Variants in ALMS1 observed in about 807,000 individuals in gnomAD.
The protein encoded by ALMS1 is centrosome-associated protein ALMS1.
ALMS1 carries 271 observed loss-of-function variants against 352.2 expected under a neutral mutation model. That is an observed-to-expected ratio of 0.77 (90% CI 0.70 to 0.85). The LOEUF (loss-of-function observed/expected upper bound fraction) is 0.85. Among genes scored for constraint, ALMS1 ranks in the 40% least tolerant of loss-of-function variants. ALMS1 has a pLI of 0.00. For synonymous variants in ALMS1, 1,865 were observed against 1,761.2 expected (o/e 1.06, Z -1.48); for missense variants, 5,445 against 4,870.7 (o/e 1.12, Z -3.51).
In ALMS1 at chr2:73,452,833, TATTTTCAGTCC is replaced by T. The variant is rs1348039836; in HGVS notation, c.6308_6318del (p.Ile2103ThrfsTer6). ...CTTATTTTCACAGAGAGAAATCGAA[TATTTTCAGTCC>T]ACAGGAATTGCCAGGTAGTCATGTA... On this transcript the variant is annotated frameshift_variant, in exon 8 of 23. Coordinates refer to ENST00000613296, the MANE Select transcript of ALMS1 (RefSeq NM_001378454.1). LOFTEE classifies it high-confidence loss of function. 1 of 1,613,866 alleles carries T rather than the reference TATTTTCAGTCC, an allele frequency of 6.2e-7. No individual in the cohort carries two copies. Among genetic ancestry groups the T allele is most frequent in the Non-Finnish European group, 8.5e-7 (1 of 1,179,990 alleles).
chr2:73,432,919 G>C (rs1671531192), intron 7 of ALMS1, among the ~76,000 whole-genome samples: 1 of 152,154 alleles, frequency 6.6e-6, no homozygotes, highest in Non-Finnish European at 1.5e-5. Flanking sequence ...GTGACTTGAA[G>C]GGAAAAAGGA....
intron 6 of ALMS1, among the ~76,000 whole-genome samples, chr2:73,428,929 TA>T (rs1281184784): frequency 6.6e-6 from 1 of 152,194 alleles, no homozygotes; most frequent in Admixed American, 6.5e-5. Flanking sequence ...CTACTCCTCA[TA>T]AATGATTATT....
chr2:73,545,890 T>G (rs1040094926), intron 12 of ALMS1, among the ~76,000 whole-genome samples: 23 of 152,314 alleles, frequency 1.5e-4, no homozygotes, highest in Admixed American at 9.1e-4. Context: ...TTCTCAAAAT[T>G]AATTGTAGTC....
At chr2:73,405,159 C>T (rs757046757) in intron 1 of ALMS1, among the ~76,000 whole-genome samples, 13 of 152,154 alleles carry the variant, frequency 8.5e-5, no homozygotes, top group Admixed American at 1.3e-4. Context: ...AGCATTTCTC[C>T]TGCCTTGGCC....
chr2:73,522,683 G>A (rs1340986151), intron 11 of ALMS1, among the ~76,000 whole-genome samples: 2 of 152,114 alleles, frequency 1.3e-5, no homozygotes, highest in South Asian at 2.1e-4. Context: ...TGGCCAGGAT[G>A]ATCTCGATCT....
At chr2:73,521,768 A>G (rs936817398) in intron 11 of ALMS1, among the ~76,000 whole-genome samples, 5 of 152,020 alleles carry the variant, frequency 3.3e-5, no homozygotes, top group African/African-American at 1.2e-4. Context: ...AAAAAAAAGC[A>G]TATTTTAAAC....
At chr2:73,525,613 T>A (rs2103973720) in intron 11 of ALMS1, among the ~76,000 whole-genome samples, 1 of 152,318 alleles carries the variant, frequency 6.6e-6, no homozygotes, top group South Asian at 2.1e-4. Context: ...TGCCCGTTTT[T>A]AAATTGGATT....
chr2:73,461,936 C>T (rs568509191), intron 9 of ALMS1, among the ~76,000 whole-genome samples: 1 of 152,108 alleles, frequency 6.6e-6, no homozygotes, highest in African/African-American at 2.4e-5. Flanking sequence ...ACAAAGCCTC[C>T]AAGAAATATG....
intron 16 of ALMS1, among the ~76,000 whole-genome samples, chr2:73,592,141 A>C (rs544448825): frequency 5.7e-4 from 87 of 152,292 alleles, no homozygotes; most frequent in African/African-American, 2.0e-3. Flanking sequence ...TTCTTCACAT[A>C]CCAAAATAAA....
rs1028413835 is a variant in ALMS1, at chr2:73,490,204, G to A, written c.8245G>A (p.Val2749Ile). 1 of 1,614,122 alleles carries A rather than the reference G, an allele frequency of 6.2e-7. No homozygotes were observed. The highest frequency in any genetic ancestry group is 1.6e-4 in the Middle Eastern group (1 of 6,062). The change falls in exon 10 of 23, where the codon GTA (valine) becomes ATA (isoleucine). Residue 2749 changes from valine to isoleucine, a missense_variant. By Grantham distance (29) the Val-to-Ile change is conservative. Transcript: ENST00000613296. ...GSQCTGASVGVFNSHFTEEQN... is the reference protein window; with the variant it reads ...GSQCTGASVGIFNSHFTEEQN... ...CCAGTGTACTGGAGCATCTGTGGGGGTATTTAATTCTCATTTCACTGAAGA... is the reference window on the plus strand; with the variant it reads ...CCAGTGTACTGGAGCATCTGTGGGGATATTTAATTCTCATTTCACTGAAGA...
intron 6 of ALMS1, 126 bp from the exon 7 acceptor site, chr2:73,432,072 T>C: frequency 1.4e-6 from 1 of 706,372 alleles, no homozygotes; most frequent in Non-Finnish European, 2.5e-6. Flanking sequence ...AAATGAAGGA[T>C]TATTTTTAGC....
At chr2:73,561,335 C>G (rs554671202) in intron 15 of ALMS1, among the ~76,000 whole-genome samples, 2 of 152,272 alleles carry the variant, frequency 1.3e-5, no homozygotes, top group East Asian at 3.9e-4. Flanking sequence ...TTTTTCTTCT[C>G]CCTGTGTTGA....
At chr2:73,551,920 C>T (rs1674445139) in intron 13 of ALMS1, among the ~76,000 whole-genome samples, 1 of 152,154 alleles carries the variant, frequency 6.6e-6, no homozygotes, top group Non-Finnish European at 1.5e-5. Flanking sequence ...TAAATAGGTG[C>T]TACTGATCCC....
chr2:73,482,119 A>G (rs1479433776), intron 9 of ALMS1, among the ~76,000 whole-genome samples: 5 of 152,196 alleles, frequency 3.3e-5, no homozygotes, highest in Admixed American at 6.5e-5. Context: ...ACCATGTTGA[A>G]TAGGAGTGGT....
chr2:73,572,403 A>G lies in ALMS1; in HGVS notation c.10526A>G (p.His3509Arg), dbSNP rs1674949532. 4.3e-6 allele frequency: 7 copies of G among 1,611,046 alleles called. No individual in the cohort carries two copies. The highest frequency in any genetic ancestry group is 2.7e-5 in the African/African-American group (2 of 74,550). Residue 3509 changes from histidine (H) to arginine (R), a missense_variant, in exon 16 of 23, where the codon CAT becomes CGT. By Grantham distance (29) the His-to-Arg change is conservative. Coordinates refer to ENST00000613296, the MANE Select transcript of ALMS1 (RefSeq NM_001378454.1). The part of the protein sequence containing the change: ...ESLGKSVFMR[H>R]SWKDFFQHHP... ...TTGGGAAAGAGTGTTTTCATGAGAC[A>G]TTCTTGGAAAGATTTCTTTCAGCAT... is the stretch of plus-strand genomic sequence containing the variant.
intron 10 of ALMS1, among the ~76,000 whole-genome samples, chr2:73,512,903 A>G (rs568116795): frequency 6.6e-6 from 1 of 152,312 alleles, no homozygotes; most frequent in East Asian, 1.9e-4. Flanking sequence ...TTTAGAGGTT[A>G]GGATTTAAAC....
intron 10 of ALMS1, among the ~76,000 whole-genome samples, chr2:73,512,050 A>T (rs1306497292): frequency 2.0e-5 from 3 of 152,088 alleles, no homozygotes; most frequent in African/African-American, 7.2e-5. Context: ...ATCAGCATTT[A>T]TACTGTCAGT....
chr2:73,567,572 C>T (rs1273070584), intron 15 of ALMS1, among the ~76,000 whole-genome samples: 2 of 152,140 alleles, frequency 1.3e-5, no homozygotes, highest in Admixed American at 1.3e-4. Flanking sequence ...ACTGATACAT[C>T]AGTGAAAATA....
chr2:73,391,531 G>A (rs1363438580), intron 1 of ALMS1, among the ~76,000 whole-genome samples: 1 of 150,934 alleles, frequency 6.6e-6, no homozygotes, highest in Non-Finnish European at 1.5e-5. Context: ...CTGACCTCGT[G>A]ATACACCCGC....
Sources: allele counts gnomAD v4.1 joint callset (sites outside exome capture counted in the v4.1 genomes callset), GRCh38; gene constraint gnomAD v4.1.1; transcripts MANE v1.5; gene names NCBI Gene and HGNC (gene_info 2026-07-23, HGNC 2026-07-21).